The following PKP4 variants were observed in gnomAD, a reference collection of about 807,000 sequenced individuals.
PKP4 encodes plakophilin-4.
PKP4 carries 90 observed loss-of-function variants against 145.1 expected under a neutral mutation model. That is an observed-to-expected ratio of 0.62 (90% CI 0.52 to 0.74). The LOEUF (loss-of-function observed/expected upper bound fraction) is 0.74, where lower values mean the gene tolerates loss of function less well. Ranked by LOEUF, PKP4 falls within the 30% of genes least tolerant of loss-of-function variation. The probability of loss-of-function intolerance (pLI) is 0.00; values close to 1 mark genes in which losing one functional copy is unlikely to be tolerated. For synonymous variants in PKP4, 563 were observed against 577.2 expected, an observed-to-expected ratio of 0.98 and a Z score of 0.35; for missense variants, 1,340 against 1,482.7, an observed-to-expected ratio of 0.90 and a Z score of 1.58.
intron 2 of PKP4, among the ~76,000 whole-genome samples, chr2:158,541,912 CT>C (rs1164723795): frequency 2.0e-5 from 3 of 152,088 alleles, no homozygotes; most frequent in Non-Finnish European, 4.4e-5. Context: ...TGCCTATGGC[CT>C]TCTAATAAAC....
chr2:158,569,686 C>G (rs990287286), intron 2 of PKP4, among the ~76,000 whole-genome samples: 2 of 152,076 alleles, frequency 1.3e-5, no homozygotes, highest in African/African-American at 4.8e-5. Context: ...GTTGTGTTCT[C>G]AAAATGATAG....
intron 2 of PKP4, among the ~76,000 whole-genome samples, chr2:158,556,480 G>A (rs868027660): frequency 1.3e-5 from 2 of 150,988 alleles, no homozygotes; most frequent in South Asian, 4.2e-4. Flanking sequence ...ATCCAGAATG[G>A]AGAAATACGG....
intron 1 of PKP4, among the ~76,000 whole-genome samples, chr2:158,516,812 C>T (rs1238657392): frequency 6.6e-6 from 1 of 151,864 alleles, no homozygotes; most frequent in Admixed American, 6.6e-5. Flanking sequence ...CAGGCACTTG[C>T]CACCATGCCT....
intron 1 of PKP4, among the ~76,000 whole-genome samples, chr2:158,515,457 G>GA (rs1368778817): frequency 7.3e-5 from 11 of 151,204 alleles, no homozygotes; most frequent in South Asian, 2.1e-4. Context: ...CCTATCTCTT[G>GA]AAAAAAAAGG....
At chr2:158,461,519 G>A (rs1689764397) in intron 1 of PKP4, among the ~76,000 whole-genome samples, 1 of 152,146 alleles carries the variant, frequency 6.6e-6, no homozygotes, top group Non-Finnish European at 1.5e-5. Context: ...AAATGTGGAA[G>A]TGTCTGAGTT....
intron 16 of PKP4, chr2:158,669,458 T>G: frequency 3.4e-6 from 1 of 296,026 alleles, no homozygotes; most frequent in Non-Finnish European, 6.2e-6. Context: ...ATTTTACGCA[T>G]TGATTTACAT....
intron 2 of PKP4, among the ~76,000 whole-genome samples, chr2:158,556,684 C>T (rs138279232): frequency 6.6e-6 from 1 of 152,020 alleles, no homozygotes; most frequent in African/African-American, 2.4e-5. Flanking sequence ...TCTCTAAAAC[C>T]CTGCAAACTA....
At chr2:158,494,222 G>A (rs927287139) in intron 1 of PKP4, among the ~76,000 whole-genome samples, 19 of 152,020 alleles carry the variant, frequency 1.2e-4, no homozygotes, top group African/African-American at 4.6e-4. Flanking sequence ...TAGGACAGCA[G>A]AGTATATATT....
At chr2:158,482,828 A>G (rs1693562855) in intron 1 of PKP4, among the ~76,000 whole-genome samples, 1 of 141,880 alleles carries the variant, frequency 7.0e-6, no homozygotes, top group Non-Finnish European at 1.5e-5. Flanking sequence ...ACCTTGCTTC[A>G]AAAAAAAAAA....
intron 2 of PKP4, among the ~76,000 whole-genome samples, chr2:158,562,540 G>A (rs1446370661): frequency 2.0e-5 from 3 of 152,294 alleles, no homozygotes; most frequent in East Asian, 3.9e-4. Flanking sequence ...AAAAAGTTCT[G>A]GAGATGGATG....
intron 2 of PKP4, among the ~76,000 whole-genome samples, chr2:158,565,435 CTTTT>C (rs10690465): frequency 4.4e-5 from 6 of 135,766 alleles, no homozygotes; most frequent in African/African-American, 1.6e-4. Flanking sequence ...TTCTTTTTTC[CTTTT>C]TTTTTTTTTT....
At chr2:158,490,938 G>A (rs572739690) in intron 1 of PKP4, among the ~76,000 whole-genome samples, 23 of 152,298 alleles carry the variant, frequency 1.5e-4, no homozygotes, top group Admixed American at 3.9e-4. Context: ...TCCCACGGCC[G>A]TAGGCATTTC....
chr2:158,459,152 A>T (rs1009431031), intron 1 of PKP4, among the ~76,000 whole-genome samples: 1 of 152,204 alleles, frequency 6.6e-6, no homozygotes, highest in African/African-American at 2.4e-5. Context: ...AATGCAGTAT[A>T]TTGCTGTAGG....
In PKP4 at chr2:158,624,984, T is replaced by C. The variant is rs1330119055; in HGVS notation, c.710T>C (p.Leu237Pro). 1.2e-6 allele frequency: 2 copies of C among 1,614,166 alleles called. No individual in the cohort carries two copies. Among genetic ancestry groups the C allele is most frequent in the South Asian group, 2.2e-5 (2 of 91,078 alleles). Residue 237 changes from leucine (L) to proline (P), a missense_variant, in exon 7 of 22, where the codon CTG (leucine) becomes CCG (proline). Physicochemically the swap from Leu to Pro is moderately conservative, Grantham distance 98. Transcript: ENST00000389759. ...GGCGTGTCTCCTTCAAGGGGGTCTC[T>C]GAGAACTTCTCTGGGTAGTGGATTT... The part of the protein sequence containing the change: ...STGVSPSRGS[L>P]RTSLGSGFGS...
chr2:158,564,096 A>G (rs2046771290), intron 2 of PKP4, among the ~76,000 whole-genome samples: 1 of 152,026 alleles, frequency 6.6e-6, no homozygotes, highest in African/African-American at 2.4e-5. Context: ...TAAAAGAGAT[A>G]ATATAAAAGT....
intron 2 of PKP4, among the ~76,000 whole-genome samples, chr2:158,573,924 G>A (rs1212370188): frequency 2.0e-5 from 3 of 152,340 alleles, no homozygotes; most frequent in East Asian, 1.9e-4. Flanking sequence ...GTCTGCAGCC[G>A]AGACACCCCT....
chr2:158,496,137 C>T (rs1257352871), intron 1 of PKP4, among the ~76,000 whole-genome samples: 6 of 136,668 alleles, frequency 4.4e-5, no homozygotes, highest in African/African-American at 8.2e-5. Context: ...CGTGCCACCA[C>T]GCCCAGCTAA....
At chr2:158,519,225 G>A (rs1449984467) in intron 1 of PKP4, among the ~76,000 whole-genome samples, 1 of 151,396 alleles carries the variant, frequency 6.6e-6, no homozygotes, top group African/African-American at 2.4e-5. Flanking sequence ...AATTCATTTT[G>A]CTATTCATCT....
intron 3 of PKP4, among the ~76,000 whole-genome samples, chr2:158,594,646 G>C (rs1413331961): frequency 6.6e-6 from 1 of 152,148 alleles, no homozygotes; most frequent in African/African-American, 2.4e-5. Context: ...GAGACACTTG[G>C]TCAGTGAAAA....
Sources: gnomAD v4.1 joint callset for allele counts (sites outside exome capture counted in the v4.1 genomes callset) on GRCh38, gnomAD v4.1.1 for gene constraint, MANE v1.5 for transcripts, NCBI Gene and HGNC (gene_info 2026-07-23, HGNC 2026-07-21) for gene names.